Variants in TSHZ2 observed in about 807,000 individuals in gnomAD.
TSHZ2 encodes teashirt zinc finger homeobox 2.
TSHZ2 carries 21 observed loss-of-function variants against 74.4 expected under a neutral mutation model. That is an observed-to-expected ratio of 0.28 (90% confidence interval 0.20 to 0.41). TSHZ2 has a LOEUF of 0.41. Among genes scored for constraint, TSHZ2 ranks in the 10% least tolerant of loss-of-function variants. The pLI is 1.00. For missense variants in TSHZ2, 1,244 were observed against 1,293.5 expected (o/e 0.96, Z 0.59); for synonymous variants, 540 against 515.3 (o/e 1.05, Z -0.65).
intron 1 of TSHZ2, among the ~76,000 whole-genome samples, chr20:53,104,686 G>A (rs2800996): frequency 0.33 from 49,535 of 151,994 alleles, 8,731 homozygotes; most frequent in East Asian, 0.51. Context: ...ACTGGTGTTC[G>A]TGAAGAACTT....
intron 2 of TSHZ2, among the ~76,000 whole-genome samples, chr20:53,307,795 A>G (rs1053166168): frequency 6.6e-6 from 1 of 151,958 alleles, no homozygotes; most frequent in East Asian, 1.9e-4. Context: ...ATGGTTTTAA[A>G]CCCCCAGAGG....
intron 1 of TSHZ2, among the ~76,000 whole-genome samples, chr20:53,204,480 T>C (rs1010466320): frequency 1.3e-5 from 2 of 151,704 alleles, no homozygotes; most frequent in Non-Finnish European, 2.9e-5. Context: ...AAGATATAGT[T>C]ATATAAATCA....
At chr20:53,302,360 A>G (rs983134994) in intron 2 of TSHZ2, among the ~76,000 whole-genome samples, 1 of 152,194 alleles carries the variant, frequency 6.6e-6, no homozygotes, top group African/African-American at 2.4e-5. Context: ...AAACGGATTG[A>G]GACCCATTTT....
At chr20:53,436,303 CTTCTT>C (rs1184335005) in intron 2 of TSHZ2, among the ~76,000 whole-genome samples, 4 of 152,086 alleles carry the variant, frequency 2.6e-5, no homozygotes, top group African/African-American at 9.7e-5. Context: ...GGTAATGTGC[CTTCTT>C]TTCTTTTATC....
chr20:53,001,246 G>GTA (rs1982427998), intron 1 of TSHZ2, among the ~76,000 whole-genome samples: 2 of 149,578 alleles, frequency 1.3e-5, no homozygotes, highest in African/African-American at 2.5e-5. Context: ...GTGTGTGTGT[G>GTA]TGTGTGTGTT....
intron 2 of TSHZ2, among the ~76,000 whole-genome samples, chr20:53,394,047 AAAAG>A (rs1269608630): frequency 6.6e-6 from 1 of 152,228 alleles, no homozygotes; most frequent in Admixed American, 6.5e-5. Context: ...AATAAGAAGA[AAAAG>A]AAAAGCCATG....
At chr20:53,221,181 T>A (rs1362393436) in intron 1 of TSHZ2, among the ~76,000 whole-genome samples, 1 of 151,980 alleles carries the variant, frequency 6.6e-6, no homozygotes, top group Non-Finnish European at 1.5e-5. Flanking sequence ...ATGTAAGACA[T>A]CCCTTTGCTC....
intron 1 of TSHZ2, among the ~76,000 whole-genome samples, chr20:53,156,615 C>G (rs1213655386): frequency 1.3e-5 from 2 of 152,150 alleles, no homozygotes; most frequent in Non-Finnish European, 2.9e-5. Flanking sequence ...GGACTAAAAC[C>G]CAGATCTCAT....
intron 1 of TSHZ2, among the ~76,000 whole-genome samples, chr20:53,228,967 A>G (rs749990291): frequency 6.6e-6 from 1 of 152,196 alleles, no homozygotes; most frequent in Non-Finnish European, 1.5e-5. Context: ...TGAGTGTCTC[A>G]CACGATCATT....
intron 2 of TSHZ2, among the ~76,000 whole-genome samples, chr20:53,435,617 A>G (rs1984024051): frequency 6.6e-6 from 1 of 152,106 alleles, no homozygotes; most frequent in Non-Finnish European, 1.5e-5. Flanking sequence ...AGGTTCAAGC[A>G]ATTCTCCTGC....
At chr20:53,447,562 C>T (rs1568921824) in intron 2 of TSHZ2, among the ~76,000 whole-genome samples, 1 of 152,200 alleles carries the variant, frequency 6.6e-6, no homozygotes, top group Admixed American at 6.5e-5. Flanking sequence ...TCCAAACGTC[C>T]TTACGCTGTT....
chr20:52,984,980 TTG>T (rs1406159942), intron 1 of TSHZ2, among the ~76,000 whole-genome samples: 1 of 152,218 alleles, frequency 6.6e-6, no homozygotes, highest in Admixed American at 6.5e-5. Flanking sequence ...TTACTGCAAA[TTG>T]TCAGTCTATC....
rs1985311803 is a variant in TSHZ2 at position 53,074,688 on chromosome 20, T to C, written c.40+101355T>C. On this transcript the variant is annotated intron_variant, in intron 1 of 2. Transcript: ENST00000371497. This position sits in a 1 kb window ranked among gnomAD's most constrained non-coding sequence, Gnocchi z 5.9. ...ACTTGGAAACTATAGATACTAATTA[T>C]TTTTAACTATAGATACTAATTATAG... Among the ~76,000 whole-genome samples the C allele has an allele frequency of 1.3e-5, 2 of 152,236 alleles. No homozygotes were observed. Among genetic ancestry groups the C allele is most frequent in the African/African-American group, 2.4e-5 (1 of 41,462 alleles).
chr20:53,475,673 G>A (rs1316109750), intron 2 of TSHZ2, among the ~76,000 whole-genome samples: 3 of 135,740 alleles, frequency 2.2e-5, no homozygotes, highest in African/African-American at 8.7e-5. Flanking sequence ...CAGAACTGAA[G>A]GAAATAGAGA....
intron 2 of TSHZ2, among the ~76,000 whole-genome samples, chr20:53,321,229 C>A (rs1249509251): frequency 6.6e-6 from 1 of 152,078 alleles, no homozygotes; most frequent in African/African-American, 2.4e-5. Context: ...TTTTGTGTGT[C>A]CATCTTTAGC....
At chr20:53,372,179 G>A (rs1027054409) in intron 2 of TSHZ2, among the ~76,000 whole-genome samples, 43 of 152,238 alleles carry the variant, frequency 2.8e-4, no homozygotes, top group African/African-American at 1.0e-3. Context: ...ACTCTCTTCA[G>A]TCAGTACTCA....
At position 52,973,151 on chromosome 20, in the gene TSHZ2, C is replaced by A; in HGVS notation, c.-143C>A. The A allele has an allele frequency of 2.9e-6, 3 of 1,037,716 alleles. No homozygotes were observed. The highest frequency in any genetic ancestry group is 2.6e-5 in the Admixed American group (1 of 38,864). The allele number at this position is 1,037,716 out of a possible 1,614,324, so 64.3% of individuals were successfully genotyped here. On this transcript the variant is annotated 5_prime_UTR_variant, in exon 1 of 3. An upstream open reading frame in the 5' UTR gains an earlier in-frame stop. Transcript: ENST00000371497. The stretch of plus-strand genomic sequence containing the variant: ...GTGGTGGAGGAGTTGCAGGGGGGAT[C>A]GTCAGGGGGACAGAGGCCGAGTGAC...
intron 2 of TSHZ2, among the ~76,000 whole-genome samples, chr20:53,434,436 A>G (rs796383383): frequency 9.8e-5 from 15 of 152,346 alleles, no homozygotes; most frequent in African/African-American, 3.4e-4. Context: ...AGAGTAACTC[A>G]TAAGAAGTAG....
chr20:53,242,417 C>T (rs973615611), intron 1 of TSHZ2, among the ~76,000 whole-genome samples: 28 of 152,146 alleles, frequency 1.8e-4, no homozygotes, highest in African/African-American at 6.3e-4. Flanking sequence ...ATCTAATTAA[C>T]TCATTCACCC....
Sources: gnomAD v4.1 joint callset for allele counts (sites outside exome capture counted in the v4.1 genomes callset) on GRCh38, gnomAD v4.1.1 for gene constraint, Gnocchi (gnomAD v3.1) non-coding constraint, MANE v1.5 for transcripts, NCBI Gene and HGNC (gene_info 2026-07-23, HGNC 2026-07-21) for gene names.